PHKA2: variants seen among roughly 807,000 people sequenced by gnomAD.
The protein encoded by PHKA2 is phosphorylase kinase regulatory subunit alpha 2, also known as phosphorylase b kinase regulatory subunit alpha, liver isoform.
In PHKA2, 31 loss-of-function variants were observed where a neutral mutation model predicts 102.0. The ratio of observed to expected loss-of-function variants is 0.30; its 90% CI spans 0.23 to 0.41. The LOEUF is 0.41. Ranked by LOEUF, PHKA2 falls within the 10% of genes least tolerant of loss-of-function variation. PHKA2 has a pLI of 1.00. For synonymous variants in PHKA2, 455 were observed against 416.2 expected (o/e 1.09, Z -1.13); for missense variants, 858 against 1,023.1 (o/e 0.84, Z 2.20).
intron 1 of PHKA2, among the ~76,000 whole-genome samples, chrX:18,977,948 G>A (rs1318219926): frequency 1.8e-5 from 2 of 112,051 alleles, no homozygotes; most frequent in African/African-American, 6.5e-5. Context: ...GATCACCTGA[G>A]GTAAGGAGTT....
chrX:18,954,332 G>A lies in PHKA2; in HGVS notation c.159C>T (p.Ala53=), dbSNP rs1387884412. The A allele has an allele frequency of 7.4e-6, 9 of 1,209,676 alleles. No individual in the cohort carries two copies. Among genetic ancestry groups the A allele is most frequent in the East Asian group, 5.9e-5 (2 of 33,762 alleles). ...WVRDNIYSIL[A]VWGLGMAYRK... is the part of the protein sequence containing the mutation. ...GGTAGGCCATGCCCAGGCCCCACACGGCCAGGATACTGTAGATGTTATCCC... is the reference window on the plus strand; with the variant it reads ...GGTAGGCCATGCCCAGGCCCCACACAGCCAGGATACTGTAGATGTTATCCC... The change falls in exon 2 of 33, where the codon GCC becomes GCT. Residue 53 remains alanine (A), a synonymous_variant. Transcript: ENST00000379942.
Position 18,910,944 on chromosome X carries a change from C to A in PHKA2, c.2154G>T (p.Leu718Phe). The A allele has an allele frequency of 8.5e-7, 1 of 1,177,669 alleles. No individual in the cohort carries two copies. The highest frequency in any genetic ancestry group is 1.8e-5 in the African/African-American group (1 of 56,780). The part of the protein sequence containing the change: ...GLEVPFVPMT[L>F]PTKVLSAHRK... Reference sequence around the variant, plus strand: ...GGTGGGCACTTAGAACTTTAGTCGGCAAAGTCATGGGAACAACTGGAAAAC... The same window carrying A: ...GGTGGGCACTTAGAACTTTAGTCGGAAAAGTCATGGGAACAACTGGAAAAC... Residue 718 changes from leucine to phenylalanine, a missense_variant, in exon 20 of 33, where the codon TTG (leucine) becomes TTT (phenylalanine). Around this residue, in one of 2 missense-constraint regions of PHKA2, gnomAD observed 671 missense variants for 745.2 expected, o/e 0.90. Coordinates refer to ENST00000379942, the MANE Select transcript of PHKA2 (RefSeq NM_000292.3).
chrX:18,944,962 T>C lies in PHKA2; in HGVS notation c.618+116A>G, dbSNP rs992418796. ...ACTGTGCCACTTGAATTTCACATCC[T>C]TGATGCTGACTTTTGACAAATATGC... On this transcript the variant is annotated intron_variant, in intron 6 of 32. Coordinates refer to ENST00000379942, the MANE Select transcript of PHKA2 (RefSeq NM_000292.3). 5.2e-6 allele frequency: 3 copies of C among 572,932 alleles called. No individual in the cohort carries two copies. The African/African-American group carries it at 6.7e-5, about 13-fold the overall frequency. The allele number at this position is 572,932 out of a possible 1,213,427, so 47.2% of individuals were successfully genotyped here.
intron 21 of PHKA2, among the ~76,000 whole-genome samples, 188 bp from the exon 22 acceptor site, chrX:18,908,244 C>T (rs143535241): frequency 8.9e-6 from 1 of 112,407 alleles, no homozygotes; most frequent in Non-Finnish European, 1.9e-5. Flanking sequence ...GACGTGGTGG[C>T]CTCCTGGCCT....
intron 12 of PHKA2, 98 bp downstream of exon 12, chrX:18,931,543 T>C (rs2048314989): frequency 1.6e-6 from 1 of 631,714 alleles, no homozygotes; most frequent in African/African-American, 2.1e-5. Context: ...GCAAAAGACA[T>C]CCACACGCAC....
chrX:18,934,862 C>G (rs902759601), intron 11 of PHKA2, among the ~76,000 whole-genome samples: 7 of 112,763 alleles, frequency 6.2e-5, no homozygotes, highest in African/African-American at 2.3e-4. Context: ...CAGCAAGGCC[C>G]TGAACCTGGG....
Position 18,908,016 on chromosome X carries a change from C to T in PHKA2, c.2401G>A (p.Val801Ile). 2 of 1,211,237 alleles carry T rather than the reference C, an allele frequency of 1.7e-6. No individual in the cohort carries two copies. The highest frequency in any genetic ancestry group is 2.2e-6 in the Non-Finnish European group (2 of 894,970). ...TCACCAAGAAGGTTTTGAACGGTGA[C>T]CCCGTGCTGTCCAGAGAGATTTGTG... ...WDTNLSGQHG[V>I]TVQNLLGELY... The change falls in exon 22 of 33, where the codon GTC (valine) becomes ATC (isoleucine). Residue 801 changes from valine (V) to isoleucine (I), a missense_variant. Coordinates refer to ENST00000379942, the MANE Select transcript of PHKA2 (RefSeq NM_000292.3).
At position 18,941,396 on chromosome X, in the gene PHKA2, G is replaced by A; in HGVS notation, c.864+133C>T. 6 of 614,864 alleles carry A rather than the reference G, an allele frequency of 9.8e-6. No individual in the cohort carries two copies. In the South Asian group the frequency reaches 1.4e-4, roughly 14 times the overall value. The allele number at this position is 614,864 out of a possible 1,213,427, so 50.7% of individuals were successfully genotyped here. On this transcript the variant is annotated intron_variant, in intron 8 of 32. Coordinates refer to ENST00000379942, the MANE Select transcript of PHKA2 (RefSeq NM_000292.3). Reference sequence around the variant, plus strand: ...CGGAGACTTTGTTTTCTTGCCTGTAGACTCAGCTTTGAACGCTGTATGCAT... The same window carrying A: ...CGGAGACTTTGTTTTCTTGCCTGTAAACTCAGCTTTGAACGCTGTATGCAT...
chrX:18,904,309 T>A (rs1191687351), intron 26 of PHKA2, among the ~76,000 whole-genome samples: 1 of 112,017 alleles, frequency 8.9e-6, no homozygotes, highest in Non-Finnish European at 1.9e-5. Context: ...ATCTCAGGAT[T>A]TAATCAAAAT....
chrX:18,965,852 A>C (rs2048933537), intron 1 of PHKA2, among the ~76,000 whole-genome samples: 1 of 111,798 alleles, frequency 8.9e-6, no homozygotes, highest in Non-Finnish European at 1.9e-5. Flanking sequence ...ACAAGGAACA[A>C]TATGGCAGAA....
Position 18,925,516 on chromosome X carries a change from T to C in PHKA2, c.1569+152A>G, listed in dbSNP as rs1223750374. The C allele has an allele frequency of 1.4e-5, 7 of 493,336 alleles. No homozygotes were observed. The African/African-American group carries it at 1.4e-4, about 10-fold the overall frequency. 40.7% of individuals were successfully genotyped at this position (493,336 alleles called of 1,213,427 possible). A position where few individuals can be genotyped will look rare whatever the true frequency, so the allele number is the denominator to read the frequency against. ...CAAAAAGCATTTACCGAGCACCTAC[T>C]ACGGGCAGACTTGTACTAGGCTCTT... On this transcript the variant is annotated intron_variant, in intron 15 of 32. Transcript: ENST00000379942.
chrX:18,955,256 G>T (rs1241759810), intron 1 of PHKA2, among the ~76,000 whole-genome samples: 1 of 112,099 alleles, frequency 8.9e-6, no homozygotes, highest in Non-Finnish European at 1.9e-5. Context: ...GCTACATAGT[G>T]TGTGATTCCA....
rs1308360055 is a variant in PHKA2, at chrX:18,908,789, TCAGA to T, written c.2360+8_2360+11del. ...TTTTGTTATAACTGCCCGAATGGAC[TCAGA>T]CACTTACTTTATGACATAAAGAATG... On this transcript the variant is annotated splice_region_variant and intron_variant, in intron 21 of 32. Coordinates refer to ENST00000379942, the MANE Select transcript of PHKA2 (RefSeq NM_000292.3). The T allele has an allele frequency of 8.4e-7, 1 of 1,188,973 alleles. No homozygotes were observed. The highest frequency in any genetic ancestry group is 2.2e-5 in the Admixed American group (1 of 46,045).
intron 28 of PHKA2, among the ~76,000 whole-genome samples, chrX:18,899,981 C>A (rs1229771530): frequency 9.0e-6 from 1 of 111,679 alleles, no homozygotes; most frequent in Non-Finnish European, 1.9e-5. Context: ...CTCAGATTCA[C>A]CCACGGTCAG....
chrX:18,920,397 G>A (rs972665629), intron 17 of PHKA2, among the ~76,000 whole-genome samples, 196 bp from the exon 18 acceptor site: 1 of 111,978 alleles, frequency 8.9e-6, no homozygotes, highest in Admixed American at 9.5e-5. Flanking sequence ...AAGTGAACGC[G>A]CACAGCATAT....
intron 1 of PHKA2, among the ~76,000 whole-genome samples, chrX:18,962,588 G>C (rs754106533): frequency 9.0e-6 from 1 of 111,435 alleles, no homozygotes; most frequent in African/African-American, 3.3e-5. Context: ...GCCACAGCTT[G>C]CCCAACACTT....
At chrX:18,902,249 C>T (rs1042353908) in intron 26 of PHKA2, among the ~76,000 whole-genome samples, 1 of 110,531 alleles carries the variant, frequency 9.0e-6, no homozygotes, top group Non-Finnish European at 1.9e-5. Context: ...GATCCTTCCG[C>T]TTCAGCCTCC....
intron 1 of PHKA2, among the ~76,000 whole-genome samples, chrX:18,967,111 T>A (rs1443566990): frequency 9.0e-6 from 1 of 111,232 alleles, no homozygotes; most frequent in African/African-American, 3.3e-5. Flanking sequence ...GGTGCCAGAC[T>A]TGTTGGCAAA....
chrX:18,898,344 CCTCCCTGCGGCAAAGCT>C (rs1195545613), intron 29 of PHKA2, among the ~76,000 whole-genome samples: 1 of 112,941 alleles, frequency 8.9e-6, no homozygotes, highest in Non-Finnish European at 1.9e-5. Context: ...GGGCGCATCC[CCTCCCTGCGGCAAAGCT>C]CCCAGCCTTC....
Sources: allele counts gnomAD v4.1 joint callset (sites outside exome capture counted in the v4.1 genomes callset), GRCh38; gene constraint gnomAD v4.1.1; regional missense constraint gnomAD v4.1.1; transcripts MANE v1.5; gene names NCBI Gene and HGNC (gene_info 2026-07-23, HGNC 2026-07-21).